PRCD: variants seen among roughly 807,000 people sequenced by gnomAD.
PRCD encodes photoreceptor disk component PRCD.
A neutral mutation model predicts 10.1 loss-of-function variants in PRCD; 12 were observed. The ratio of observed to expected loss-of-function variants is 1.18; its 90% CI spans 0.76 to 1.92. The LOEUF (loss-of-function observed/expected upper bound fraction) is 1.92. PRCD is among the 40% of genes most tolerant of loss of function. The pLI is 0.00. For missense variants in PRCD, 61 were observed against 72.2 expected (o/e 0.84, Z 0.56); for synonymous variants, 31 against 26.2 (o/e 1.18, Z -0.56).
At chr17:76,538,125 G>A (rs2074943798), upstream of PRCD, 1 of 155,520 alleles carries the variant, frequency 6.4e-6, no homozygotes, top group African/African-American at 2.4e-5. Flanking sequence ...GCGGGGAACT[G>A]ACTCAAAGTC....
intron 1 of PRCD, chr17:76,551,909 G>GGT (rs1377591384): frequency 6.9e-6 from 1 of 145,432 alleles, no homozygotes; most frequent in African/African-American, 2.8e-5. Flanking sequence ...GAAATGGGAA[G>GGT]GTGGGGGGGT....
At chr17:76,537,854 GCAA>G (rs1230084491), upstream of PRCD, 6 of 151,856 alleles carry the variant, frequency 4.0e-5, no homozygotes, top group African/African-American at 1.5e-4. Flanking sequence ...GCCAATGCCG[GCAA>G]GGTGAAGGCT....
At position 76,533,313 on chromosome 17, in the gene PRCD, G is replaced by A. The variant is rs140268052; in HGVS notation, n.45+5480G>A. Among the ~76,000 whole-genome samples the A allele has an allele frequency of 2.7e-3, 405 of 152,280 alleles. 2 individuals carry two copies. Among genetic ancestry groups the A allele is most frequent in the East Asian group, 0.013 (69 of 5,188 alleles). On this transcript the variant is annotated intron_variant and non_coding_transcript_variant, in intron 1 of 4. Coordinates refer to the PRCD transcript ENST00000397633. The surrounding 1 kb of genome is among the most constrained non-coding windows in gnomAD (Gnocchi z 4.5). ...CACGGGTGAGGACACGTGAGGCGAC[G>A]GGTCTGAAAATACATTGAATTTTCT...
chr17:76,548,309 T>TA (rs2075076371), downstream of PRCD, among the ~76,000 whole-genome samples: 1 of 152,158 alleles, frequency 6.6e-6, no homozygotes, highest in Admixed American at 6.5e-5. Flanking sequence ...CATACACAAA[T>TA]ACACACAGTA....
At chr17:76,543,766 A>T in intron 4 of PRCD, 37 bp from the exon 5 acceptor site, 1 of 470,392 alleles carries the variant, frequency 2.1e-6, no homozygotes, top group South Asian at 1.5e-5. Context: ...GGTTTGCCAC[A>T]GTGGCACTCG....
At chr17:76,545,426 G>A (rs1465172766), downstream of PRCD, 2 of 455,386 alleles carry the variant, frequency 4.4e-6, no homozygotes, top group East Asian at 1.4e-4. Context: ...AAGAGCCGCT[G>A]CTTGGGAATG....
At chr17:76,537,510 C>T, upstream of PRCD, 1 of 1,576,644 alleles carries the variant, frequency 6.3e-7, no homozygotes. Flanking sequence ...GCTCCCTGCG[C>T]TCGATCTCCA....
rs780098653 is a variant in PRCD, at chr17:76,542,653, C to T, written c.*59+20C>T. The T allele has an allele frequency of 7.9e-5, 121 of 1,533,360 alleles. No individual in the cohort carries two copies. Among genetic ancestry groups the T allele is most frequent in the African/African-American group, 2.3e-4 (17 of 73,272 alleles). The allele number at this position is 1,533,360 out of a possible 1,614,324, so 95.0% of individuals were successfully genotyped here. On this transcript the variant is annotated intron_variant, in intron 3 of 4. Transcript: ENST00000592014. ...AGGCAGGTAGGGCAGGGCTGGGAGC[C>T]GGGGAGGGCAGAGGGCAAGGCTTGG...
chr17:76,544,531 G>A lies in PRCD; in HGVS notation c.*881G>A, dbSNP rs757028440. The A allele has an allele frequency of 1.2e-4, 56 of 456,606 alleles. No homozygotes were observed. The highest frequency in any genetic ancestry group is 3.1e-4 in the Admixed American group (13 of 42,590). The allele number at this position is 456,606 out of a possible 1,614,324, so 28.3% of individuals were successfully genotyped here. Reference sequence around the variant, plus strand: ...GCCTCTCAAAGTAGGGCAGGCAGGAGGCAGGGGGAAAGTCACACTAGGGAA... The same window carrying A: ...GCCTCTCAAAGTAGGGCAGGCAGGAAGCAGGGGGAAAGTCACACTAGGGAA... On this transcript the variant is annotated 3_prime_UTR_variant, in exon 5 of 5. Transcript: ENST00000592014.
At chr17:76,529,764 C>T (rs1379748694) in intron 1 of PRCD, 1 of 985,250 alleles carries the variant, frequency 1.0e-6, no homozygotes, top group Non-Finnish European at 1.2e-6. Context: ...CTGCCAGTGC[C>T]CTCCTCTGGT....
Position 76,544,284 on chromosome 17 carries a change from C to T in PRCD, c.*634C>T, listed in dbSNP as rs2075028322. 1 of 454,562 alleles carries T rather than the reference C, an allele frequency of 2.2e-6. No individual in the cohort carries two copies. Among genetic ancestry groups the T allele is most frequent in the South Asian group, 1.6e-5 (1 of 64,474 alleles). 28.2% of individuals were successfully genotyped at this position (454,562 alleles called of 1,614,324 possible). A position where few individuals can be genotyped will look rare whatever the true frequency, so the allele number is the denominator to read the frequency against. On this transcript the variant is annotated 3_prime_UTR_variant, in exon 5 of 5. Coordinates refer to ENST00000592014, the MANE Select transcript of PRCD (RefSeq NM_001077620.3). ...TGTCTCTGCCTGGCTGGCCCGTGCCCTTGACTTCCAGGCAGTAGAAGATGG... is the reference window on the plus strand; with the variant it reads ...TGTCTCTGCCTGGCTGGCCCGTGCCTTTGACTTCCAGGCAGTAGAAGATGG...
chr17:76,530,067 G>A lies in PRCD; in HGVS notation n.45+2234G>A, dbSNP rs1043406523. On this transcript the variant is annotated intron_variant and non_coding_transcript_variant, in intron 1 of 4. Coordinates refer to the PRCD transcript ENST00000397633. The surrounding 1 kb of genome is among the most constrained non-coding windows in gnomAD (Gnocchi z 6.1). ...AGTCTTGGGGGCCCGTGCAGAGCCC[G>A]GCGGGAGACGCCGCCTTTTCCATGG... 7.1e-6 allele frequency: 7 copies of A among 985,238 alleles called. No homozygotes were observed. Among genetic ancestry groups the A allele is most frequent in the African/African-American group, 3.5e-5 (2 of 57,214 alleles). 61.0% of individuals were successfully genotyped at this position (985,238 alleles called of 1,614,324 possible).
chr17:76,540,719 G>A lies in PRCD; in HGVS notation c.143+146G>A, dbSNP rs1020182294. On this transcript the variant is annotated intron_variant, in intron 2 of 4. Transcript: ENST00000592014. This position sits in a 1 kb window ranked among gnomAD's most constrained non-coding sequence, Gnocchi z 5.0. ...GCCCTAAGCACCCTGCTCCCTGTCC[G>A]CCTGCTGGGCAGGCTGGATGTCTGT... 1.5e-5 allele frequency: 12 copies of A among 789,098 alleles called. No homozygotes were observed. The highest frequency in any genetic ancestry group is 1.1e-4 in the East Asian group (4 of 37,096). The allele number at this position is 789,098 out of a possible 1,614,324, so 48.9% of individuals were successfully genotyped here.
At position 76,545,141 on chromosome 17, in the gene PRCD, C is replaced by G. The variant is rs528732567; in HGVS notation, c.*1491C>G. 1 of 456,656 alleles carries G rather than the reference C, an allele frequency of 2.2e-6. No homozygotes were observed. The highest frequency in any genetic ancestry group is 1.5e-5 in the South Asian group (1 of 64,566). The allele number at this position is 456,656 out of a possible 1,614,324, so 28.3% of individuals were successfully genotyped here. ...ACACCTTCCCCGCACACCCAGCCCA[C>G]GCTCGCCTCTTATTCCCGGGGCCTC... On this transcript the variant is annotated 3_prime_UTR_variant, in exon 5 of 5. Coordinates refer to ENST00000592014, the MANE Select transcript of PRCD (RefSeq NM_001077620.3).
upstream of PRCD, among the ~76,000 whole-genome samples, chr17:76,535,515 G>A (rs1254014009): frequency 2.6e-5 from 4 of 152,164 alleles, no homozygotes; most frequent in Admixed American, 1.3e-4. Flanking sequence ...GCAGGGAGTG[G>A]CTGAGACAAA....
chr17:76,537,270 C>A, upstream of PRCD: 5 of 1,108,760 alleles, frequency 4.5e-6, no homozygotes, highest in Non-Finnish European at 5.9e-6. Flanking sequence ...CCTGCTCCGC[C>A]GACCTCGGAC....
intron 1 of PRCD, among the ~76,000 whole-genome samples, chr17:76,532,527 T>C (rs1437128213): frequency 6.9e-6 from 1 of 144,772 alleles, no homozygotes; most frequent in African/African-American, 2.5e-5. Flanking sequence ...AAAATGACAA[T>C]GGCTTTTTTT....
chr17:76,538,387 C>G (rs530725515), upstream of PRCD: 309 of 389,052 alleles, frequency 7.9e-4, 1 homozygote, highest in African/African-American at 6.2e-3. Flanking sequence ...AGCGCACCTC[C>G]GACCTCGGGC....
At position 76,533,066 on chromosome 17, in the gene PRCD, G is replaced by C. The variant is rs976435622; in HGVS notation, n.45+5233G>C. Among the ~76,000 whole-genome samples, 3 of 152,186 alleles carry C rather than the reference G, an allele frequency of 2.0e-5. No individual in the cohort carries two copies. The highest frequency in any genetic ancestry group is 2.0e-4 in the Admixed American group (3 of 15,290). ...TGGCCAGGAGTCGAGTCTCAGATGT[G>C]AGGGCTGGAACAGATGCGGAGAGGG... is the stretch of plus-strand genomic sequence containing the variant. On this transcript the variant is annotated intron_variant and non_coding_transcript_variant, in intron 1 of 4. Coordinates refer to the PRCD transcript ENST00000397633. The surrounding 1 kb of genome is among the most constrained non-coding windows in gnomAD (Gnocchi z 4.5).
Sources: allele counts gnomAD v4.1 joint callset (sites outside exome capture counted in the v4.1 genomes callset), GRCh38; gene constraint gnomAD v4.1.1; non-coding constraint Gnocchi (gnomAD v3.1); transcripts MANE v1.5; gene names NCBI Gene and HGNC (gene_info 2026-07-23, HGNC 2026-07-21).